Variants in NKAIN3 observed in about 807,000 individuals in gnomAD.
The protein encoded by NKAIN3 is sodium/potassium-transporting ATPase subunit beta-1-interacting protein 3.
Under a neutral mutation model 30.2 loss-of-function variants are expected in NKAIN3, and 25 were observed. That is an observed-to-expected ratio of 0.83 (90% CI 0.60 to 1.16). The LOEUF (loss-of-function observed/expected upper bound fraction) is 1.16, where lower values mean the gene tolerates loss of function less well. NKAIN3 is among the 50% of genes most tolerant of loss of function. The probability of loss-of-function intolerance (pLI) is 0.00; values close to 1 mark genes in which losing one functional copy is unlikely to be tolerated. For synonymous variants in NKAIN3, 91 were observed against 89.6 expected (o/e 1.02, Z -0.09); for missense variants, 225 against 254.1 (o/e 0.89, Z 0.78).
intron 1 of NKAIN3, among the ~76,000 whole-genome samples, chr8:62,438,472 G>A: frequency 6.6e-6 from 1 of 152,064 alleles, no homozygotes; most frequent in Non-Finnish European, 1.5e-5. Flanking sequence ...CTGTCACCTG[G>A]AATCACCTCA....
chr8:62,608,898 C>T (rs1199657330), intron 3 of NKAIN3, among the ~76,000 whole-genome samples: 3 of 152,006 alleles, frequency 2.0e-5, no homozygotes, highest in Non-Finnish European at 2.9e-5. Context: ...TTAGAAATAG[C>T]TATGCTATGG....
rs1823759580 is a variant in NKAIN3, at chr8:62,968,465, C to G, written c.*3058C>G. Among the ~76,000 whole-genome samples, 1 of 152,194 alleles carries G rather than the reference C, an allele frequency of 6.6e-6. No individual in the cohort carries two copies. Among genetic ancestry groups the G allele is most frequent in the African/African-American group, 2.4e-5 (1 of 41,442 alleles). On this transcript the variant is annotated 3_prime_UTR_variant, in exon 7 of 7. Coordinates refer to ENST00000623646, the MANE Select transcript of NKAIN3 (RefSeq NM_001304533.3). The stretch of plus-strand genomic sequence containing the variant: ...TGCCAAACCTCAGCTTCTCCATATG[C>G]AATTGTGTGTCTGGTCAGAGTAAGG...
Position 62,731,567 on chromosome 8 carries a change from T to C in NKAIN3, c.274-15365T>C, listed in dbSNP as rs562349501. On this transcript the variant is annotated intron_variant, in intron 3 of 6. Transcript: ENST00000623646. ...GACCTCTCATCAGCTCCTGTAGTGA[T>C]TGGCTGCTGATGTCTCCGGGGGAAC... 4.2e-3 allele frequency among the ~76,000 whole-genome samples: 636 copies of C among 152,278 alleles called. 6 individuals are homozygous for C. The highest frequency in any genetic ancestry group is 0.015 in the African/African-American group (612 of 41,558).
At chr8:62,444,375 A>G (rs1805420639) in intron 1 of NKAIN3, among the ~76,000 whole-genome samples, 1 of 152,126 alleles carries the variant, frequency 6.6e-6, no homozygotes, top group Non-Finnish European at 1.5e-5. Context: ...GTACCCACTA[A>G]TCAACATCTC....
At chr8:62,291,503 G>T (rs1181199700) in intron 1 of NKAIN3, among the ~76,000 whole-genome samples, 2 of 152,230 alleles carry the variant, frequency 1.3e-5, no homozygotes, top group Admixed American at 1.3e-4. Flanking sequence ...GCACCCAGTA[G>T]TCATGCAGGA....
At chr8:62,869,346 C>A (rs1342313958) in intron 4 of NKAIN3, among the ~76,000 whole-genome samples, 2 of 152,122 alleles carry the variant, frequency 1.3e-5, no homozygotes, top group South Asian at 4.1e-4. Flanking sequence ...CCCTGACATG[C>A]GCAGGTGTGT....
At chr8:62,595,069 T>C (rs1413652444) in intron 3 of NKAIN3, among the ~76,000 whole-genome samples, 3 of 152,056 alleles carry the variant, frequency 2.0e-5, no homozygotes, top group Non-Finnish European at 4.4e-5. Context: ...CTCCTGTTTT[T>C]CTTATTATTG....
chr8:62,305,819 A>G (rs1288227137), intron 1 of NKAIN3, among the ~76,000 whole-genome samples: 2 of 150,026 alleles, frequency 1.3e-5, no homozygotes, highest in East Asian at 1.9e-4. Context: ...GAGGATCTTG[A>G]CTCATTCTCA....
chr8:62,459,593 T>C (rs935826429), intron 1 of NKAIN3, among the ~76,000 whole-genome samples: 6 of 152,136 alleles, frequency 3.9e-5, no homozygotes, highest in African/African-American at 1.4e-4. Flanking sequence ...AATGCAATGA[T>C]GGAAAACAAA....
At chr8:62,300,248 A>G (rs1232697936) in intron 1 of NKAIN3, among the ~76,000 whole-genome samples, 2 of 152,072 alleles carry the variant, frequency 1.3e-5, no homozygotes, top group East Asian at 3.9e-4. Flanking sequence ...ATCATCTGAA[A>G]CCTAATCATA....
intron 1 of NKAIN3, among the ~76,000 whole-genome samples, chr8:62,532,070 T>A (rs1808506391): frequency 6.6e-6 from 1 of 152,210 alleles, no homozygotes; most frequent in Middle Eastern, 3.2e-3. Context: ...TGACTAACTT[T>A]GATGTCTGTT....
chr8:62,338,122 T>G lies in NKAIN3; in HGVS notation c.54+88995T>G, dbSNP rs368910812. 1.8e-4 allele frequency among the ~76,000 whole-genome samples: 28 copies of G among 152,140 alleles called. 2 individuals carry two copies. In the East Asian group the frequency reaches 3.3e-3, roughly 18 times the overall value. On this transcript the variant is annotated intron_variant, in intron 1 of 6. Coordinates refer to ENST00000623646, the MANE Select transcript of NKAIN3 (RefSeq NM_001304533.3). ...GAGCTGCTTTGGTAACACATTAGTTTGAAGTAGCCATAAAACCTTTTAAAC... is the reference window on the plus strand; with the variant it reads ...GAGCTGCTTTGGTAACACATTAGTTGGAAGTAGCCATAAAACCTTTTAAAC...
chr8:62,595,684 G>A lies in NKAIN3; in HGVS notation c.273+5890G>A, dbSNP rs564991807. Among the ~76,000 whole-genome samples, 301 of 152,094 alleles carry A rather than the reference G, an allele frequency of 2.0e-3. 1 individual carries two copies. The highest frequency in any genetic ancestry group is 6.7e-3 in the African/African-American group (278 of 41,540). ...TGGTCACCTTCCCAGCTAGGCTTAG[G>A]GATTCTTAGTTGGCCTAGGAAATTG... On this transcript the variant is annotated intron_variant, in intron 3 of 6. Transcript: ENST00000623646.
intron 4 of NKAIN3, chr8:62,856,195 T>G: frequency 1.3e-6 from 1 of 778,384 alleles, no homozygotes; most frequent in South Asian, 1.3e-5. Context: ...TTCCTGTATT[T>G]GTATTAAATG....
chr8:62,654,882 C>G (rs1363492725), intron 3 of NKAIN3, among the ~76,000 whole-genome samples: 1 of 151,974 alleles, frequency 6.6e-6, no homozygotes, highest in Non-Finnish European at 1.5e-5. Context: ...AAGAGAGAGG[C>G]CATGGGAATC....
Position 62,980,726 on chromosome 8 carries a change from G to C in NKAIN3, c.*15319G>C, listed in dbSNP as rs933981351. The C allele has an allele frequency of 6.6e-6, 1 of 152,144 alleles. No individual in the cohort carries two copies. The highest frequency in any genetic ancestry group is 1.5e-5 in the Non-Finnish European group (1 of 68,030). 9.4% of individuals were successfully genotyped at this position (152,144 alleles called of 1,614,324 possible). A position where few individuals can be genotyped will look rare whatever the true frequency, so the allele number is the denominator to read the frequency against. ...ATTTTTAGGCAAAACATAATGTCTG[G>C]AGCACCAAGTGAAATAACTGTGGAG... On this transcript the variant is annotated 3_prime_UTR_variant, in exon 7 of 7. Transcript: ENST00000623646.
At chr8:62,521,868 T>C (rs1808169991) in intron 1 of NKAIN3, among the ~76,000 whole-genome samples, 1 of 152,200 alleles carries the variant, frequency 6.6e-6, no homozygotes, top group South Asian at 2.1e-4. Flanking sequence ...TAAATTGTTT[T>C]ATTTCTTAGT....
At chr8:62,556,602 A>T (rs1237828992) in intron 1 of NKAIN3, among the ~76,000 whole-genome samples, 1 of 151,932 alleles carries the variant, frequency 6.6e-6, no homozygotes, top group Admixed American at 6.6e-5. Context: ...AATTGAAAGT[A>T]TGAAAAAGTG....
chr8:62,545,958 AT>A (rs1178767250), intron 1 of NKAIN3, among the ~76,000 whole-genome samples: 3 of 152,192 alleles, frequency 2.0e-5, no homozygotes, highest in African/African-American at 7.2e-5. Flanking sequence ...AATACTGAAT[AT>A]TGTTAATCTT....
Sources: allele counts gnomAD v4.1 joint callset (sites outside exome capture counted in the v4.1 genomes callset), GRCh38; gene constraint gnomAD v4.1.1; transcripts MANE v1.5; gene names NCBI Gene and HGNC (gene_info 2026-07-23, HGNC 2026-07-21).